CHST8: variants seen among roughly 807,000 people sequenced by gnomAD.
CHST8 encodes GALNAC-4-ST1.
In CHST8, 10 loss-of-function variants were observed where a neutral mutation model predicts 15.0. The ratio of observed to expected loss-of-function variants is 0.67; its 90% CI spans 0.41 to 1.13. CHST8 has a LOEUF of 1.13. CHST8 is among the 50% of genes most tolerant of loss of function. CHST8 has a pLI of 0.00. For missense variants in CHST8, 634 were observed against 608.2 expected (o/e 1.04, Z -0.45); for synonymous variants, 259 against 256.6 (o/e 1.01, Z -0.09).
At chr19:33,722,895 C>T (rs1973826194) in intron 3 of CHST8, among the ~76,000 whole-genome samples, 1 of 152,210 alleles carries the variant, frequency 6.6e-6, no homozygotes, top group Non-Finnish European at 1.5e-5. Flanking sequence ...CAGTCCTTTG[C>T]CAGGAGCAAG....
intron 3 of CHST8, among the ~76,000 whole-genome samples, chr19:33,694,611 G>A (rs771722439): frequency 1.1e-4 from 16 of 152,060 alleles, no homozygotes; most frequent in South Asian, 6.2e-4. Context: ...ACAGAGTCTC[G>A]CTCTGTAGCC....
intron 1 of CHST8, among the ~76,000 whole-genome samples, chr19:33,663,188 G>A (rs1314988597): frequency 6.6e-6 from 1 of 152,168 alleles, no homozygotes; most frequent in African/African-American, 2.4e-5. Context: ...TTCTTCCTGG[G>A]AAGAACAGCT....
intron 3 of CHST8, among the ~76,000 whole-genome samples, chr19:33,757,528 GAAAGA>G (rs766831259): frequency 3.2e-5 from 1 of 30,836 alleles, no homozygotes; most frequent in Non-Finnish European, 6.6e-5. Flanking sequence ...GAAAGAGAAA[GAAAGA>G]AAGAAAGAAA....
At chr19:33,637,834 G>C (rs965980150) in intron 1 of CHST8, among the ~76,000 whole-genome samples, 4 of 145,484 alleles carry the variant, frequency 2.7e-5, no homozygotes, top group African/African-American at 1.0e-4. Flanking sequence ...CTGGACTCCA[G>C]CCTGAGCAAG....
At chr19:33,758,569 C>T (rs1054784981) in intron 3 of CHST8, among the ~76,000 whole-genome samples, 11 of 152,218 alleles carry the variant, frequency 7.2e-5, no homozygotes, top group African/African-American at 2.4e-4. Flanking sequence ...CAGGCCAGCT[C>T]GGTAATTGAC....
At chr19:33,740,666 G>C (rs924221511) in intron 3 of CHST8, among the ~76,000 whole-genome samples, 1 of 152,178 alleles carries the variant, frequency 6.6e-6, no homozygotes, top group African/African-American at 2.4e-5. Flanking sequence ...AGCCCTAAAG[G>C]CCATTACCTG....
chr19:33,747,543 C>T (rs1249734792), intron 3 of CHST8, among the ~76,000 whole-genome samples: 1 of 151,948 alleles, frequency 6.6e-6, no homozygotes, highest in Non-Finnish European at 1.5e-5. Context: ...GGGATATAGA[C>T]ATATGCCACA....
chr19:33,773,039 C>G lies in CHST8; in HGVS notation c.1251C>G (p.Ser417=). The G allele has an allele frequency of 6.2e-7, 1 of 1,608,974 alleles. No individual in the cohort carries two copies. The highest frequency in any genetic ancestry group is 8.5e-7 in the Non-Finnish European group (1 of 1,179,612). ...TGGATTACCTGATGTTCAACTATTCCAAGCCCTTTGCAGATCTGTACTGAG... is the reference window on the plus strand; with the variant it reads ...TGGATTACCTGATGTTCAACTATTCGAAGCCCTTTGCAGATCTGTACTGAG... ...YYMDYLMFNY[S]KPFADLY is the part of the protein sequence containing the mutation. The change falls in exon 5 of 5, where the codon TCC becomes TCG. Residue 417 remains serine (S), a synonymous_variant. Coordinates refer to ENST00000650847, the MANE Select transcript of CHST8 (RefSeq NM_001127895.2).
At chr19:33,727,017 C>T (rs1470483907) in intron 3 of CHST8, among the ~76,000 whole-genome samples, 2 of 152,056 alleles carry the variant, frequency 1.3e-5, no homozygotes, top group African/African-American at 4.8e-5. Context: ...GTGCCACTTT[C>T]GCTGATGCCT....
At chr19:33,700,999 G>A (rs776091151) in intron 3 of CHST8, among the ~76,000 whole-genome samples, 1 of 152,164 alleles carries the variant, frequency 6.6e-6, no homozygotes, top group East Asian at 1.9e-4. Flanking sequence ...TGGATACCCC[G>A]AGCCTAGTGG....
chr19:33,695,642 C>A (rs919538493), intron 3 of CHST8, among the ~76,000 whole-genome samples: 2 of 152,130 alleles, frequency 1.3e-5, no homozygotes, highest in African/African-American at 4.8e-5. Flanking sequence ...GCTTAGCTCC[C>A]ACTTATAAGT....
At chr19:33,760,279 C>CCTCT (rs1430367905) in intron 3 of CHST8, among the ~76,000 whole-genome samples, 152 of 584 alleles carry the variant, frequency 0.26, 9 homozygotes, top group Middle Eastern at 0.4. Flanking sequence ...TCCTTCCTTC[C>CCTCT]CTCCTTCCTT....
At position 33,712,573 on chromosome 19, in the gene CHST8, C is replaced by A. The variant is rs574919377; in HGVS notation, c.130+23182C>A. On this transcript the variant is annotated intron_variant, in intron 3 of 4. Transcript: ENST00000650847. The stretch of plus-strand genomic sequence containing the variant: ...CATTTGGCTGGGGGACTTATCCAAG[C>A]GAACAGTGGGGAGAGGAACTTGCCG... Among the ~76,000 whole-genome samples, 53 of 152,262 alleles carry A rather than the reference C, an allele frequency of 3.5e-4. 1 individual carries two copies. Among genetic ancestry groups the A allele is most frequent in the African/African-American group, 1.3e-3 (52 of 41,550 alleles).
intron 1 of CHST8, among the ~76,000 whole-genome samples, chr19:33,636,432 AC>A (rs1308602812): frequency 6.6e-6 from 1 of 152,098 alleles, no homozygotes; most frequent in Non-Finnish European, 1.5e-5. Flanking sequence ...TTCACGTCTC[AC>A]CACTACGGGT....
At chr19:33,681,176 G>A (rs149126924) in intron 2 of CHST8, among the ~76,000 whole-genome samples, 48 of 152,342 alleles carry the variant, frequency 3.2e-4, no homozygotes, top group Non-Finnish European at 1.6e-4. Flanking sequence ...ATCACTAAAT[G>A]AGGCACTGTC....
At chr19:33,680,542 CTT>C (rs952431672) in intron 2 of CHST8, among the ~76,000 whole-genome samples, 4 of 152,232 alleles carry the variant, frequency 2.6e-5, no homozygotes, top group Admixed American at 2.6e-4. Context: ...TGCAAATACT[CTT>C]TTATCATAAT....
At chr19:33,729,969 C>A (rs780996404) in intron 3 of CHST8, among the ~76,000 whole-genome samples, 2 of 152,170 alleles carry the variant, frequency 1.3e-5, no homozygotes, top group Non-Finnish European at 2.9e-5. Flanking sequence ...GATCCTTAAA[C>A]AAAAGCCTAT....
intron 3 of CHST8, among the ~76,000 whole-genome samples, chr19:33,711,457 A>G: frequency 6.6e-6 from 1 of 152,160 alleles, no homozygotes; most frequent in South Asian, 2.1e-4. Context: ...TGTAATTATT[A>G]TCAGTGCCCC....
At chr19:33,656,904 A>G (rs1972515945) in intron 1 of CHST8, among the ~76,000 whole-genome samples, 1 of 152,114 alleles carries the variant, frequency 6.6e-6, no homozygotes. Context: ...ATCATTTATA[A>G]TGTATCTTCT....
Sources: allele counts gnomAD v4.1 joint callset (sites outside exome capture counted in the v4.1 genomes callset), GRCh38; gene constraint gnomAD v4.1.1; transcripts MANE v1.5; gene names NCBI Gene and HGNC (gene_info 2026-07-23, HGNC 2026-07-21).